The following TEK variants were observed in gnomAD, a reference collection of about 807,000 sequenced individuals.
The protein encoded by TEK is angiopoietin-1 receptor.
TEK carries 43 observed loss-of-function variants against 131.8 expected under a neutral mutation model. That is an observed-to-expected ratio of 0.33 (90% CI 0.26 to 0.42). The LOEUF is 0.42. Ranked by LOEUF, TEK falls within the 10% of genes least tolerant of loss-of-function variation. The pLI is 1.00. For missense variants in TEK, 1,162 were observed against 1,384.4 expected (o/e 0.84, Z 2.55); for synonymous variants, 580 against 491.6 (o/e 1.18, Z -2.38).
chr9:27,177,315 A>T (rs1290492065), intron 6 of TEK, among the ~76,000 whole-genome samples: 1 of 152,234 alleles, frequency 6.6e-6, no homozygotes, highest in African/African-American at 2.4e-5. Flanking sequence ...CCAACAGCAT[A>T]CAAGGGTTCC....
Position 27,197,367 on chromosome 9 carries a change from A to T in TEK, c.1677A>T (p.Leu559=), listed in dbSNP as rs773846535. 6.2e-7 allele frequency: 1 copy of T among 1,614,140 alleles called. No individual in the cohort carries two copies. Among genetic ancestry groups the T allele is most frequent in the Non-Finnish European group, 8.5e-7 (1 of 1,179,992 alleles). Residue 559 remains leucine, a synonymous_variant, in exon 12 of 23, where the codon CTA becomes CTT. Coordinates refer to ENST00000380036, the MANE Select transcript of TEK (RefSeq NM_000459.5). ...LNLLPKSQTT[L]NLTWQPIFPS... ...TCCTGCCTAAAAGTCAGACCACTCT[A>T]AATTTGACCTGGCAACCAATATTTC...
At chr9:27,223,142 T>C (rs1301145463) in intron 21 of TEK, among the ~76,000 whole-genome samples, 1 of 150,692 alleles carries the variant, frequency 6.6e-6, no homozygotes, top group East Asian at 2.0e-4. Context: ...CTTAGAGAAC[T>C]GCAAAGAGAC....
chr9:27,128,834 TGA>T (rs1338263295), intron 1 of TEK, among the ~76,000 whole-genome samples: 19 of 152,372 alleles, frequency 1.2e-4, no homozygotes, highest in African/African-American at 3.4e-4. Flanking sequence ...TTTTCTATCC[TGA>T]GACTTTGCTG....
At chr9:27,227,877 C>T (rs1038413839) in intron 21 of TEK, among the ~76,000 whole-genome samples, 14 of 152,200 alleles carry the variant, frequency 9.2e-5, no homozygotes, top group Admixed American at 6.6e-4. Context: ...TGAGCATGGG[C>T]CCTTTAAGAG....
At chr9:27,148,374 C>T (rs1173066948) in intron 1 of TEK, among the ~76,000 whole-genome samples, 3 of 152,224 alleles carry the variant, frequency 2.0e-5, no homozygotes, top group Non-Finnish European at 4.4e-5. Flanking sequence ...TGATGAGTAA[C>T]AAGGCATCCA....
At position 27,220,109 on chromosome 9, in the gene TEK, A is replaced by C; in HGVS notation, c.3164A>C (p.Tyr1055Ser). The C allele has an allele frequency of 6.2e-7, 1 of 1,614,066 alleles. No homozygotes were observed. The highest frequency in any genetic ancestry group is 8.5e-7 in the Non-Finnish European group (1 of 1,179,980). The part of the protein sequence containing the change: ...AELYEKLPQG[Y>S]RLEKPLNCDD... Reference sequence around the variant, plus strand: ...CTCTACGAGAAGCTGCCCCAGGGCTACAGACTGGAGAAGCCCCTGAACTGT... The same window carrying C: ...CTCTACGAGAAGCTGCCCCAGGGCTCCAGACTGGAGAAGCCCCTGAACTGT... Residue 1055 changes from tyrosine (Y) to serine (S), a missense_variant, in exon 21 of 23, where the codon TAC becomes TCC. Transcript: ENST00000380036.
intron 7 of TEK, among the ~76,000 whole-genome samples, chr9:27,182,295 AC>A (rs1824409787): frequency 6.6e-6 from 1 of 151,948 alleles, no homozygotes; most frequent in Non-Finnish European, 1.5e-5. Context: ...ATCCACCTTC[AC>A]CCCCACCCAG....
At chr9:27,205,290 T>C (rs1825362874) in intron 14 of TEK, among the ~76,000 whole-genome samples, 1 of 152,174 alleles carries the variant, frequency 6.6e-6, no homozygotes, top group Non-Finnish European at 1.5e-5. Flanking sequence ...GTGCTCTTAG[T>C]AAATTATGCA....
intron 1 of TEK, among the ~76,000 whole-genome samples, chr9:27,134,828 C>G (rs952634761): frequency 6.6e-6 from 1 of 152,112 alleles, no homozygotes; most frequent in Non-Finnish European, 1.5e-5. Context: ...GCTCAGAATA[C>G]CAGAACATAG....
chr9:27,164,358 C>T lies in TEK; in HGVS notation c.365-4137C>T, dbSNP rs376778928. On this transcript the variant is annotated intron_variant, in intron 2 of 22. Transcript: ENST00000380036. ...TTTTTGAGATGGAGTCTCACTCTGT[C>T]ACTGAGGCTGGAGTGCAGTGGCGCA... Among the ~76,000 whole-genome samples the T allele has an allele frequency of 3.5e-5, 5 of 144,538 alleles. No homozygotes were observed. In the East Asian group the frequency reaches 8.0e-4, roughly 23 times the overall value. The allele number at this position is 144,538 out of a possible 152,430, so 94.8% of individuals were successfully genotyped here.
intron 1 of TEK, among the ~76,000 whole-genome samples, chr9:27,155,754 T>G (rs978166899): frequency 6.6e-6 from 1 of 151,134 alleles, no homozygotes; most frequent in Non-Finnish European, 1.5e-5. Flanking sequence ...GGGAATAATG[T>G]TTTTTTGCCC....
chr9:27,184,232 T>C (rs541767639), intron 8 of TEK, among the ~76,000 whole-genome samples: 7 of 152,268 alleles, frequency 4.6e-5, no homozygotes, highest in African/African-American at 1.2e-4. Context: ...TCAGGTAATA[T>C]CACAGCAGTT....
At chr9:27,200,203 T>C (rs1439297864) in intron 12 of TEK, among the ~76,000 whole-genome samples, 2 of 152,176 alleles carry the variant, frequency 1.3e-5, no homozygotes, top group Admixed American at 1.3e-4. Context: ...TTCCCTTCCA[T>C]TGATCTGTTT....
At position 27,168,519 on chromosome 9, in the gene TEK, C is replaced by G. The variant is rs201071647; in HGVS notation, c.389C>G (p.Thr130Ser). 2.5e-6 allele frequency: 4 copies of G among 1,613,814 alleles called. No homozygotes were observed. The East Asian group carries it at 8.9e-5, about 36-fold the overall frequency. The change falls in exon 3 of 23, where the codon ACT (threonine) becomes AGT (serine). Residue 130 changes from threonine (T) to serine (S), a missense_variant. Thr to Ser is a moderately conservative substitution (Grantham distance 58). Coordinates refer to ENST00000380036, the MANE Select transcript of TEK (RefSeq NM_000459.5). Reference sequence around the variant, plus strand: ...GCTTCCTTCCTACCAGCTACTTTAACTATGACTGTGGACAAGGGAGATAAC... The same window carrying G: ...GCTTCCTTCCTACCAGCTACTTTAAGTATGACTGTGGACAAGGGAGATAAC... ...QQASFLPATLTMTVDKGDNVN... is the reference protein window; with the variant it reads ...QQASFLPATLSMTVDKGDNVN...
At chr9:27,179,338 T>C (rs893717914) in intron 6 of TEK, among the ~76,000 whole-genome samples, 1 of 152,218 alleles carries the variant, frequency 6.6e-6, no homozygotes, top group African/African-American at 2.4e-5. Flanking sequence ...AGTTTCTCAT[T>C]GTTGCATTTG....
At chr9:27,223,154 TA>T (rs1826159589) in intron 21 of TEK, among the ~76,000 whole-genome samples, 1 of 140,860 alleles carries the variant, frequency 7.1e-6, no homozygotes, top group Non-Finnish European at 1.6e-5. Flanking sequence ...CAAAGAGACT[TA>T]AAGTCTCCCA....
intron 1 of TEK, among the ~76,000 whole-genome samples, chr9:27,134,322 G>A (rs991332790): frequency 2.0e-4 from 30 of 152,304 alleles, no homozygotes; most frequent in African/African-American, 7.0e-4. Context: ...ACAAACTCAA[G>A]GATTTGTAGG....
chr9:27,124,566 T>G (rs1356863210), intron 1 of TEK, among the ~76,000 whole-genome samples: 1 of 152,236 alleles, frequency 6.6e-6, no homozygotes, highest in East Asian at 1.9e-4. Context: ...AAATACACTC[T>G]GCCCACAACG....
intron 1 of TEK, among the ~76,000 whole-genome samples, chr9:27,116,805 A>G (rs1821577277): frequency 6.6e-6 from 1 of 151,956 alleles, no homozygotes; most frequent in Non-Finnish European, 1.5e-5. Flanking sequence ...AAAACCAATG[A>G]CATTCCTATC....
Sources: gnomAD v4.1 joint callset for allele counts (sites outside exome capture counted in the v4.1 genomes callset) on GRCh38, gnomAD v4.1.1 for gene constraint, MANE v1.5 for transcripts, NCBI Gene and HGNC (gene_info 2026-07-23, HGNC 2026-07-21) for gene names.